JMJD1C: variants seen among roughly 807,000 people sequenced by gnomAD.
JMJD1C encodes jumonji domain-containing protein 1C.
A neutral mutation model predicts 245.3 loss-of-function variants in JMJD1C; 31 were observed. The ratio of observed to expected loss-of-function variants is 0.13; its 90% CI spans 0.09 to 0.17. The LOEUF is 0.17. Ranked by LOEUF, JMJD1C falls within the 10% of genes least tolerant of loss-of-function variation. The pLI is 1.00. For synonymous variants in JMJD1C, 1,057 were observed against 1,017.4 expected (o/e 1.04, Z -0.74); for missense variants, 2,691 against 3,000.2 (o/e 0.90, Z 2.41).
intron 1 of JMJD1C, among the ~76,000 whole-genome samples, chr10:63,416,736 AC>A (rs1949828124): frequency 6.6e-6 from 1 of 152,144 alleles, no homozygotes; most frequent in Non-Finnish European, 1.5e-5. Context: ...TAGCAAAGCC[AC>A]CCCCTTATCA....
chr10:63,475,317 T>C (rs578079517), intron 1 of JMJD1C, among the ~76,000 whole-genome samples: 22 of 152,320 alleles, frequency 1.4e-4, no homozygotes, highest in African/African-American at 3.9e-4. Context: ...CTAGAGGGAA[T>C]AGAAATAGCC....
At chr10:63,182,774 G>C (rs923093906) in intron 22 of JMJD1C, among the ~76,000 whole-genome samples, 1 of 152,160 alleles carries the variant, frequency 6.6e-6, no homozygotes, top group Non-Finnish European at 1.5e-5. Context: ...GGGGAAAAAA[G>C]AATGTTTGAG....
chr10:63,337,243 A>C (rs1030823796), intron 2 of JMJD1C, among the ~76,000 whole-genome samples: 1 of 151,016 alleles, frequency 6.6e-6, no homozygotes, highest in African/African-American at 2.4e-5. Context: ...GGCACTTGAG[A>C]CCAGCCTGGT....
intron 2 of JMJD1C, among the ~76,000 whole-genome samples, chr10:63,316,001 C>G (rs1219861174): frequency 3.3e-5 from 5 of 152,038 alleles, no homozygotes; most frequent in Admixed American, 6.6e-5. Flanking sequence ...AGACCCCTGT[C>G]TCCTTAAAAA....
chr10:63,431,151 G>T (rs1056124041), intron 1 of JMJD1C, among the ~76,000 whole-genome samples: 5 of 152,182 alleles, frequency 3.3e-5, no homozygotes, highest in African/African-American at 1.2e-4. Flanking sequence ...ATATCTACTG[G>T]TCTGTGAAAG....
chr10:63,186,631 T>C (rs916433633), intron 18 of JMJD1C, among the ~76,000 whole-genome samples: 1 of 152,192 alleles, frequency 6.6e-6, no homozygotes, highest in Non-Finnish European at 1.5e-5. Context: ...TGAAATTACA[T>C]AAATTCAAAT....
At chr10:63,345,203 C>T (rs996797377) in intron 2 of JMJD1C, among the ~76,000 whole-genome samples, 1 of 152,102 alleles carries the variant, frequency 6.6e-6, no homozygotes, top group African/African-American at 2.4e-5. Context: ...AAGGAACAAA[C>T]TGGCTGGGTG....
At position 63,217,324 on chromosome 10, in the gene JMJD1C, A is replaced by G. The variant is rs769760871; in HGVS notation, c.561T>C (p.Tyr187=). Reference sequence around the variant, plus strand: ...CTCTCACTCTGTATCCATTTAAGGAATAAGGACCTTAAAAAAAACACAAGA... The same window carrying G: ...CTCTCACTCTGTATCCATTTAAGGAGTAAGGACCTTAAAAAAAACACAAGA... ...KVQEIFMQGP[Y]SLNGYRVRVY... The change falls in exon 5 of 26, where the codon TAT becomes TAC. Residue 187 remains tyrosine, a synonymous_variant. Transcript: ENST00000399262. 3 of 1,571,852 alleles carry G rather than the reference A, an allele frequency of 1.9e-6. No homozygotes were observed. Among genetic ancestry groups the G allele is most frequent in the Admixed American group, 2.0e-5 (1 of 49,486 alleles).
At chr10:63,462,915 C>T (rs1349767680) in intron 1 of JMJD1C, among the ~76,000 whole-genome samples, 1 of 152,002 alleles carries the variant, frequency 6.6e-6, no homozygotes, top group South Asian at 2.1e-4. Context: ...CGTGGCAATT[C>T]CTCATACATA....
At chr10:63,247,731 A>AAG (rs1164077504) in intron 3 of JMJD1C, among the ~76,000 whole-genome samples, 5 of 151,444 alleles carry the variant, frequency 3.3e-5, no homozygotes, top group Non-Finnish European at 5.9e-5. Context: ...AAAAAAAAAA[A>AAG]AAAAAAAGAA....
intron 1 of JMJD1C, among the ~76,000 whole-genome samples, chr10:63,461,114 G>A (rs562976701): frequency 2.6e-4 from 40 of 152,256 alleles, no homozygotes; most frequent in Non-Finnish European, 3.7e-4. Flanking sequence ...AACTGCACGA[G>A]TTTATGTCCC....
Position 63,356,873 on chromosome 10 carries a change from T to C in JMJD1C, c.333+23445A>G, listed in dbSNP as rs549468500. Among the ~76,000 whole-genome samples the C allele has an allele frequency of 7.2e-5, 11 of 152,260 alleles. No homozygotes were observed. In the East Asian group the frequency reaches 1.4e-3, roughly 19 times the overall value. ...CAACTATTCAAACTTCAATATACAG[T>C]TGATTCTGACTTTAGCAAGTTAATT... On this transcript the variant is annotated intron_variant, in intron 2 of 25. Coordinates refer to ENST00000399262, the MANE Select transcript of JMJD1C (RefSeq NM_032776.3).
At chr10:63,283,257 G>A (rs1350224839) in intron 2 of JMJD1C, among the ~76,000 whole-genome samples, 1 of 152,120 alleles carries the variant, frequency 6.6e-6, no homozygotes, top group Non-Finnish European at 1.5e-5. Flanking sequence ...AGCAGTCTGA[G>A]CAAATAAACT....
At chr10:63,383,516 C>T (rs1001528732) in intron 1 of JMJD1C, among the ~76,000 whole-genome samples, 2 of 151,996 alleles carry the variant, frequency 1.3e-5, no homozygotes, top group African/African-American at 4.8e-5. Flanking sequence ...TTAGGCAACA[C>T]AGTAAGACCT....
chr10:63,209,997 T>C (rs1297806467), intron 8 of JMJD1C, among the ~76,000 whole-genome samples: 2 of 152,170 alleles, frequency 1.3e-5, no homozygotes, highest in African/African-American at 4.8e-5. Flanking sequence ...AGCAGGAAAA[T>C]ACAACCTCCT....
At chr10:63,212,324 G>GT (rs975137034) in intron 8 of JMJD1C, among the ~76,000 whole-genome samples, 3 of 152,116 alleles carry the variant, frequency 2.0e-5, no homozygotes, top group African/African-American at 7.2e-5. Context: ...GTATGTATGT[G>GT]TTTTTTAACC....
At position 63,189,396 on chromosome 10, in the gene JMJD1C, A is replaced by G. The variant is rs1249304012; in HGVS notation, c.6342T>C (p.Ala2114=). The change falls in exon 18 of 26, where the codon GCT becomes GCC. Residue 2114 remains alanine, a synonymous_variant. Coordinates refer to ENST00000399262, the MANE Select transcript of JMJD1C (RefSeq NM_032776.3). ...TMPNILDDII[A]SVVENKIPPS... ...GTGGAATTTTGTTTTCAACAACTGAAGCAATTATGTCATCAAGAATGTTAG... is the reference window on the plus strand; with the variant it reads ...GTGGAATTTTGTTTTCAACAACTGAGGCAATTATGTCATCAAGAATGTTAG... 6.2e-7 allele frequency: 1 copy of G among 1,613,636 alleles called. No homozygotes were observed. The highest frequency in any genetic ancestry group is 1.7e-5 in the Admixed American group (1 of 59,996).
At chr10:63,354,441 CATT>C (rs1944630464) in intron 2 of JMJD1C, among the ~76,000 whole-genome samples, 1 of 151,944 alleles carries the variant, frequency 6.6e-6, no homozygotes, top group Admixed American at 6.6e-5. Context: ...TCTTATTAAT[CATT>C]TCTTCATTTT....
chr10:63,417,414 G>C (rs1331127504), intron 1 of JMJD1C, among the ~76,000 whole-genome samples: 1 of 152,054 alleles, frequency 6.6e-6, no homozygotes, highest in South Asian at 2.1e-4. Context: ...GTATATTATG[G>C]CTATAAAGTG....
Sources: allele counts gnomAD v4.1 joint callset (sites outside exome capture counted in the v4.1 genomes callset), GRCh38; gene constraint gnomAD v4.1.1; transcripts MANE v1.5; gene names NCBI Gene and HGNC (gene_info 2026-07-23, HGNC 2026-07-21).